Variants in NIPAL2 observed in about 807,000 individuals in gnomAD.
NIPAL2 encodes NIPA-like protein 2.
In NIPAL2, 43 loss-of-function variants were observed where a neutral mutation model predicts 48.9. The observed-to-expected ratio is 0.88, with a 90% CI of 0.69 to 1.13. The LOEUF (loss-of-function observed/expected upper bound fraction) is 1.13. Among genes scored for constraint, NIPAL2 ranks in the 50% most tolerant of loss-of-function variants. The pLI is 0.00. For missense variants in NIPAL2, 446 were observed against 461.4 expected (o/e 0.97, Z 0.31); for synonymous variants, 167 against 174.6 (o/e 0.96, Z 0.34).
intron 5 of NIPAL2, among the ~76,000 whole-genome samples, chr8:98,215,546 C>T (rs190503798): frequency 1.3e-5 from 2 of 152,272 alleles, no homozygotes; most frequent in Admixed American, 6.5e-5. Flanking sequence ...GTTACGAATT[C>T]GTTGAATCCT....
rs1245734853 is a variant in NIPAL2 at position 98,192,103 on chromosome 8, A to G, written c.*875T>C. 1.3e-5 allele frequency: 2 copies of G among 152,242 alleles called. No homozygotes were observed. Among genetic ancestry groups the G allele is most frequent in the Non-Finnish European group, 2.9e-5 (2 of 68,032 alleles). 9.4% of individuals were successfully genotyped at this position (152,242 alleles called of 1,614,324 possible). A position where few individuals can be genotyped will look rare whatever the true frequency, so the allele number is the denominator to read the frequency against. Reference sequence around the variant, plus strand: ...AAGATCTATAAAAAAGACATAGGATATTAAATTTTTCTTCAGTTTCAAGTA... The same window carrying G: ...AAGATCTATAAAAAAGACATAGGATGTTAAATTTTTCTTCAGTTTCAAGTA... On this transcript the variant is annotated 3_prime_UTR_variant, in exon 11 of 11. Coordinates refer to ENST00000430223, the MANE Select transcript of NIPAL2 (RefSeq NM_001321635.2).
At chr8:98,193,444 A>C (rs574893990) in intron 10 of NIPAL2, 9 of 1,611,622 alleles carry the variant, frequency 5.6e-6, no homozygotes, top group Non-Finnish European at 5.1e-6. Context: ...ATATAACAAC[A>C]TAGAAAAATA....
chr8:98,282,253 T>C (rs1355456933), intron 1 of NIPAL2, among the ~76,000 whole-genome samples: 1 of 152,090 alleles, frequency 6.6e-6, no homozygotes, highest in Non-Finnish European at 1.5e-5. Context: ...GCAGTATAGC[T>C]GGTCTGGAGA....
At chr8:98,233,069 A>C (rs1211740738) in intron 4 of NIPAL2, among the ~76,000 whole-genome samples, 1 of 152,106 alleles carries the variant, frequency 6.6e-6, no homozygotes, top group Non-Finnish European at 1.5e-5. Context: ...ACAAGCCTAG[A>C]CAACATGGTG....
intron 8 of NIPAL2, among the ~76,000 whole-genome samples, chr8:98,201,076 C>A (rs1223144728): frequency 1.3e-5 from 2 of 152,134 alleles, no homozygotes; most frequent in East Asian, 1.9e-4. Context: ...TGTTACCTAG[C>A]CCATAAGAAT....
intron 3 of NIPAL2, among the ~76,000 whole-genome samples, chr8:98,242,917 ATTAT>A (rs1195780962): frequency 6.6e-6 from 1 of 152,250 alleles, no homozygotes; most frequent in African/African-American, 2.4e-5. Context: ...AACATATAAA[ATTAT>A]TTGTCAATTA....
chr8:98,227,133 A>G (rs932646412), intron 4 of NIPAL2, among the ~76,000 whole-genome samples: 7 of 151,970 alleles, frequency 4.6e-5, no homozygotes, highest in African/African-American at 1.7e-4. Context: ...CAGACCTGCC[A>G]CTACCCTTCA....
chr8:98,243,124 A>G (rs1200311482), intron 3 of NIPAL2, among the ~76,000 whole-genome samples: 1 of 152,150 alleles, frequency 6.6e-6, no homozygotes, highest in Non-Finnish European at 1.5e-5. Context: ...TCCATGGAGC[A>G]GTCTAATGTA....
At chr8:98,262,851 G>A (rs201883992) in intron 1 of NIPAL2, among the ~76,000 whole-genome samples, 1 of 152,050 alleles carries the variant, frequency 6.6e-6, no homozygotes, top group Admixed American at 6.6e-5. Context: ...CACCACACCT[G>A]TTCCAAAATT....
At chr8:98,244,612 TGGGCTGTGGTGATG>T (rs1813202524) in intron 3 of NIPAL2, among the ~76,000 whole-genome samples, 1 of 58,110 alleles carries the variant, frequency 1.7e-5, no homozygotes, top group Non-Finnish European at 3.3e-5. Flanking sequence ...GATGAGAGGG[TGGGCTGTGGTGATG>T]GGGGGTGCTG....
intron 3 of NIPAL2, among the ~76,000 whole-genome samples, chr8:98,241,142 T>C (rs889832700): frequency 2.0e-5 from 3 of 152,224 alleles, no homozygotes; most frequent in African/African-American, 7.2e-5. Context: ...TGTGTGTAGG[T>C]ATAACTGAAA....
rs371285160 is a variant in NIPAL2 at position 98,287,682 on chromosome 8, T to G, written c.135+6321A>C. ...TGCTAACTATTTGACATGCATTATC[T>G]TATTTTGTGCCTACAACAACTCTAT... On this transcript the variant is annotated intron_variant, in intron 1 of 10. Coordinates refer to ENST00000430223, the MANE Select transcript of NIPAL2 (RefSeq NM_001321635.2). Among the ~76,000 whole-genome samples the G allele has an allele frequency of 4.7e-4, 71 of 152,346 alleles. No individual in the cohort carries two copies. In the East Asian group the frequency reaches 0.011, roughly 24 times the overall value.
At chr8:98,207,293 A>G (rs1361242187) in intron 6 of NIPAL2, among the ~76,000 whole-genome samples, 1 of 152,210 alleles carries the variant, frequency 6.6e-6, no homozygotes, top group Non-Finnish European at 1.5e-5. Flanking sequence ...AGCTAAACAA[A>G]CTATCAATTT....
chr8:98,193,332 C>T, intron 10 of NIPAL2: 2 of 1,591,252 alleles, frequency 1.3e-6, no homozygotes, highest in African/African-American at 1.3e-5. Flanking sequence ...TACATGCTGG[C>T]CATGGAAATC....
intron 4 of NIPAL2, among the ~76,000 whole-genome samples, chr8:98,224,839 A>G (rs1188141199): frequency 6.9e-6 from 1 of 144,742 alleles, no homozygotes; most frequent in African/African-American, 2.5e-5. Context: ...GCTTACTGCA[A>G]CCTCCGTCTC....
chr8:98,246,615 T>A (rs1211293954), intron 3 of NIPAL2, among the ~76,000 whole-genome samples: 1 of 152,236 alleles, frequency 6.6e-6, no homozygotes, highest in African/African-American at 2.4e-5. Context: ...TGAGTTTATG[T>A]GTCTCATACC....
intron 4 of NIPAL2, among the ~76,000 whole-genome samples, chr8:98,225,020 G>T (rs1263943658): frequency 6.6e-6 from 1 of 152,072 alleles, no homozygotes; most frequent in African/African-American, 2.4e-5. Flanking sequence ...GCCACTCAAA[G>T]TTCTGGGATT....
Position 98,205,256 on chromosome 8 carries a change from A to G in NIPAL2, c.656-10T>C. 1 of 1,597,800 alleles carries G rather than the reference A, an allele frequency of 6.3e-7. No individual in the cohort carries two copies. Among genetic ancestry groups the G allele is most frequent in the Non-Finnish European group, 8.5e-7 (1 of 1,174,952 alleles). On this transcript the variant is annotated splice_polypyrimidine_tract_variant and intron_variant, in intron 6 of 10. Transcript: ENST00000430223. ...ATAACAGTCAATGAGGCTGAAAAAG[A>G]AAACAAAAAACACAAATAAAGAACA...
At chr8:98,291,358 C>T (rs1022310672) in intron 1 of NIPAL2, among the ~76,000 whole-genome samples, 4 of 152,132 alleles carry the variant, frequency 2.6e-5, no homozygotes, top group Non-Finnish European at 4.4e-5. Flanking sequence ...CTGCAGTGCC[C>T]TACACTGTGC....
Sources: gnomAD v4.1 joint callset for allele counts (sites outside exome capture counted in the v4.1 genomes callset) on GRCh38, gnomAD v4.1.1 for gene constraint, MANE v1.5 for transcripts, NCBI Gene and HGNC (gene_info 2026-07-23, HGNC 2026-07-21) for gene names.